The following CELF4 variants were observed in gnomAD, a reference collection of about 807,000 sequenced individuals.
CELF4 encodes the protein CUGBP Elav-like family member 4.
Under a neutral mutation model 59.9 loss-of-function variants are expected in CELF4, and 18 were observed. The ratio of observed to expected loss-of-function variants is 0.30; its 90% CI spans 0.21 to 0.45. The LOEUF is 0.45. Ranked by LOEUF, CELF4 falls within the 20% of genes least tolerant of loss-of-function variation. The pLI is 1.00. For synonymous variants in CELF4, 261 were observed against 267.1 expected (o/e 0.98, Z 0.22); for missense variants, 456 against 689.0 (o/e 0.66, Z 3.79).
chr18:37,314,093 A>G (rs1436153675), intron 3 of CELF4, among the ~76,000 whole-genome samples: 1 of 152,220 alleles, frequency 6.6e-6, no homozygotes, highest in Non-Finnish European at 1.5e-5. Flanking sequence ...AGGTACCACC[A>G]GAGACAGGCT....
intron 2 of CELF4, among the ~76,000 whole-genome samples, chr18:37,378,975 C>G (rs1474280554): frequency 2.0e-5 from 3 of 152,202 alleles, no homozygotes; most frequent in Non-Finnish European, 4.4e-5. Context: ...ACCAGAAGGT[C>G]TCCCAGGAGC....
At chr18:37,485,846 C>A (rs12955067) in intron 1 of CELF4, 1 of 349,388 alleles carries the variant, frequency 2.9e-6, no homozygotes, top group Non-Finnish European at 5.1e-6. Flanking sequence ...TCTCCCCACC[C>A]TGCATCTTCC....
At chr18:37,313,861 G>A (rs746899664) in intron 3 of CELF4, among the ~76,000 whole-genome samples, 10 of 152,258 alleles carry the variant, frequency 6.6e-5, no homozygotes, top group Non-Finnish European at 1.0e-4. Context: ...TGGGAGCCCA[G>A]TCACTCACAT....
At chr18:37,311,365 C>T (rs1454171319) in intron 3 of CELF4, among the ~76,000 whole-genome samples, 1 of 152,226 alleles carries the variant, frequency 6.6e-6, no homozygotes, top group Non-Finnish European at 1.5e-5. Context: ...CCTTCCCCAA[C>T]CACGAAGACC....
intron 2 of CELF4, among the ~76,000 whole-genome samples, chr18:37,395,505 G>C (rs2099233052): frequency 6.6e-6 from 1 of 152,212 alleles, no homozygotes. Context: ...CAGTATCTTG[G>C]TGTCCACTAT....
intron 1 of CELF4, among the ~76,000 whole-genome samples, chr18:37,516,509 T>C (rs1016283005): frequency 6.6e-6 from 1 of 152,142 alleles, no homozygotes; most frequent in African/African-American, 2.4e-5. Flanking sequence ...TCCATTGGGG[T>C]CTTTCACACA....
intron 2 of CELF4, among the ~76,000 whole-genome samples, chr18:37,435,818 G>A (rs981725878): frequency 4.6e-5 from 7 of 152,146 alleles, no homozygotes; most frequent in African/African-American, 1.4e-4. Flanking sequence ...TCAGAGCCCT[G>A]TAGGATGCCA....
intron 3 of CELF4, among the ~76,000 whole-genome samples, chr18:37,296,836 T>C (rs1208639471): frequency 2.6e-5 from 4 of 152,146 alleles, no homozygotes; most frequent in Non-Finnish European, 4.4e-5. Context: ...CTCGGCTAGG[T>C]GGCAGTTCTG....
chr18:37,318,139 G>A (rs1356767548), intron 3 of CELF4, among the ~76,000 whole-genome samples: 1 of 152,088 alleles, frequency 6.6e-6, no homozygotes, highest in Non-Finnish European at 1.5e-5. Context: ...CTGGGTTTCG[G>A]GGACTCGTAA....
intron 1 of CELF4, among the ~76,000 whole-genome samples, chr18:37,549,075 A>G (rs2099982333): frequency 6.6e-6 from 1 of 152,204 alleles, no homozygotes; most frequent in African/African-American, 2.4e-5. Flanking sequence ...TCGCTCCCAG[A>G]GCTGGTCCTG....
chr18:37,439,572 A>G (rs1436826467), intron 2 of CELF4, among the ~76,000 whole-genome samples: 1 of 152,022 alleles, frequency 6.6e-6, no homozygotes, highest in Non-Finnish European at 1.5e-5. Context: ...TGTCTTCCTG[A>G]CCACTCCAAG....
At chr18:37,518,117 C>A (rs1326120856) in intron 1 of CELF4, among the ~76,000 whole-genome samples, 1 of 152,124 alleles carries the variant, frequency 6.6e-6, no homozygotes, top group Non-Finnish European at 1.5e-5. Flanking sequence ...GGCCACCCAG[C>A]CTGAGATACA....
At chr18:37,539,489 ACACG>A (rs1420655076) in intron 1 of CELF4, among the ~76,000 whole-genome samples, 17 of 151,618 alleles carry the variant, frequency 1.1e-4, no homozygotes, top group African/African-American at 3.9e-4. Flanking sequence ...ACACACACAC[ACACG>A]CGTGCACGTG....
chr18:37,254,535 C>G lies in CELF4; in HGVS notation c.1334-597G>C, dbSNP rs1199283956. 6.6e-6 allele frequency among the ~76,000 whole-genome samples: 1 copy of G among 152,112 alleles called. No homozygotes were observed. Among genetic ancestry groups the G allele is most frequent in the Non-Finnish European group, 1.5e-5 (1 of 67,990 alleles). On this transcript the variant is annotated intron_variant, in intron 11 of 12. Coordinates refer to ENST00000420428, the MANE Select transcript of CELF4 (RefSeq NM_020180.4). The surrounding 1 kb of genome is among the most constrained non-coding windows in gnomAD (Gnocchi z 5.1). Reference sequence around the variant, plus strand: ...CCCTCGCGGGCCCTCCGCCCCCACTCCCGGCCTCTGCCCGCCCCGCCAGGC... The same window carrying G: ...CCCTCGCGGGCCCTCCGCCCCCACTGCCGGCCTCTGCCCGCCCCGCCAGGC...
chr18:37,271,502 C>T (rs185307321), intron 7 of CELF4, among the ~76,000 whole-genome samples: 16 of 152,184 alleles, frequency 1.1e-4, no homozygotes, highest in East Asian at 5.8e-4. Flanking sequence ...GTGATCCACC[C>T]GCCTCGGCCT....
intron 1 of CELF4, among the ~76,000 whole-genome samples, chr18:37,554,513 TACAATCAA>T (rs928035655): frequency 3.3e-5 from 5 of 152,146 alleles, no homozygotes; most frequent in African/African-American, 1.2e-4. Flanking sequence ...TGCCCTCCTT[TACAATCAA>T]AGGCATCACC....
chr18:37,554,219 G>A (rs946786215), intron 1 of CELF4, among the ~76,000 whole-genome samples: 7 of 152,134 alleles, frequency 4.6e-5, no homozygotes, highest in Non-Finnish European at 8.8e-5. Flanking sequence ...TCGGGGGCTG[G>A]GGCTCTGCAA....
chr18:37,446,372 C>A (rs1315546602), intron 2 of CELF4, among the ~76,000 whole-genome samples: 1 of 152,134 alleles, frequency 6.6e-6, no homozygotes, highest in Non-Finnish European at 1.5e-5. Context: ...CAATGCAGCC[C>A]CCCAGGGTCC....
chr18:37,471,812 C>A (rs979380870), intron 2 of CELF4, among the ~76,000 whole-genome samples: 12 of 152,342 alleles, frequency 7.9e-5, no homozygotes, highest in Admixed American at 4.6e-4. Context: ...GCTCAGGAAA[C>A]ACTTACTGAA....
Sources: gnomAD v4.1 joint callset for allele counts (sites outside exome capture counted in the v4.1 genomes callset) on GRCh38, gnomAD v4.1.1 for gene constraint, Gnocchi (gnomAD v3.1) non-coding constraint, MANE v1.5 for transcripts, NCBI Gene and HGNC (gene_info 2026-07-23, HGNC 2026-07-21) for gene names.